ERBB4: variants seen among roughly 807,000 people sequenced by gnomAD.
ERBB4 encodes the protein receptor tyrosine-protein kinase erbB-4.
In ERBB4, 42 loss-of-function variants were observed where a neutral mutation model predicts 158.0. That is an observed-to-expected ratio of 0.27 (90% CI 0.21 to 0.34). The LOEUF is 0.34. ERBB4 is among the 10% of genes least tolerant of loss of function. The pLI is 1.00. For synonymous variants in ERBB4, 583 were observed against 558.7 expected (o/e 1.04, Z -0.61); for missense variants, 1,333 against 1,624.1 (o/e 0.82, Z 3.08).
At chr2:211,717,835 T>TA (rs2073970396) in intron 7 of ERBB4, among the ~76,000 whole-genome samples, 1 of 151,948 alleles carries the variant, frequency 6.6e-6, no homozygotes, top group African/African-American at 2.4e-5. Flanking sequence ...TCCAAAAAAA[T>TA]AAAAAATCTA....
At chr2:211,802,267 A>C (rs1233556732) in intron 3 of ERBB4, among the ~76,000 whole-genome samples, 1 of 152,120 alleles carries the variant, frequency 6.6e-6, no homozygotes, top group South Asian at 2.1e-4. Context: ...TCCAACAAAA[A>C]AAAAAAAACA....
At chr2:211,387,897 C>G in intron 26 of ERBB4, 48 bp downstream of exon 26, 1 of 1,426,504 alleles carries the variant, frequency 7.0e-7, no homozygotes, top group Non-Finnish European at 9.9e-7. Flanking sequence ...ACATGGTAAG[C>G]AAAGACCGAA....
chr2:212,205,048 C>T (rs2082704788), intron 1 of ERBB4, among the ~76,000 whole-genome samples: 6 of 151,758 alleles, frequency 4.0e-5, no homozygotes, highest in Admixed American at 2.0e-4. Context: ...AAACTCTGGA[C>T]CTCAGGTGAT....
rs575736624 is a variant in ERBB4, at chr2:211,941,324, A to G, written c.421+6106T>C. 8.6e-5 allele frequency among the ~76,000 whole-genome samples: 13 copies of G among 151,110 alleles called. No homozygotes were observed. The South Asian group carries it at 2.5e-3, about 29-fold the overall frequency. Reference sequence around the variant, plus strand: ...TAGATCTTCTAATGTAAATGTTTGTAGTACTTTTGTTAAACATTCTGTTTA... The same window carrying G: ...TAGATCTTCTAATGTAAATGTTTGTGGTACTTTTGTTAAACATTCTGTTTA... On this transcript the variant is annotated intron_variant, in intron 3 of 27. Coordinates refer to ENST00000342788, the MANE Select transcript of ERBB4 (RefSeq NM_005235.3).
rs10166875 is a variant in ERBB4 at position 211,678,835 on chromosome 2, C to T, written c.1622+217G>A. Among the ~76,000 whole-genome samples the T allele has an allele frequency of 0.46, 68,922 of 151,376 alleles. 16,513 individuals are homozygous for T. Among genetic ancestry groups the T allele is most frequent in the African/African-American group, 0.56 (23,025 of 41,252 alleles). On this transcript the variant is annotated intron_variant, in intron 13 of 27. Transcript: ENST00000342788. ...ACAAAAAATTAGCCGGGCATGGTGG[C>T]GGGCGCCTGTAATCCCAGCTACTTG... is the stretch of plus-strand genomic sequence containing the variant.
chr2:212,221,823 C>T (rs185194984), intron 1 of ERBB4, among the ~76,000 whole-genome samples: 2 of 151,420 alleles, frequency 1.3e-5, no homozygotes, highest in Admixed American at 1.3e-4. Flanking sequence ...CTAGCACCAA[C>T]ACTATAATTA....
intron 4 of ERBB4, chr2:211,777,314 G>A (rs1575133201): frequency 6.6e-6 from 1 of 152,056 alleles, no homozygotes; most frequent in Non-Finnish European, 1.5e-5. Context: ...ATTATAGTGG[G>A]TGGTTGAGGG....
chr2:212,360,899 T>C (rs1014346794), intron 1 of ERBB4, among the ~76,000 whole-genome samples: 2 of 151,732 alleles, frequency 1.3e-5, no homozygotes, highest in Non-Finnish European at 3.0e-5. Context: ...CAGGTATTAA[T>C]AAGCCCAGAT....
At chr2:212,240,661 A>AAAAAAAC (rs2084062292) in intron 1 of ERBB4, among the ~76,000 whole-genome samples, 1 of 148,046 alleles carries the variant, frequency 6.8e-6, no homozygotes, top group African/African-American at 2.5e-5. Flanking sequence ...AAAAAAAAAA[A>AAAAAAAC]AAAAAACAGA....
intron 2 of ERBB4, among the ~76,000 whole-genome samples, chr2:211,989,869 G>T (rs2082029045): frequency 6.6e-6 from 1 of 151,894 alleles, no homozygotes; most frequent in African/African-American, 2.4e-5. Context: ...CAGGAACACA[G>T]CTCTCATTCA....
At chr2:211,440,456 A>G (rs889859325) in intron 20 of ERBB4, among the ~76,000 whole-genome samples, 1 of 152,202 alleles carries the variant, frequency 6.6e-6, no homozygotes, top group Non-Finnish European at 1.5e-5. Context: ...CTGAGCATAC[A>G]TATTGTGCAA....
At chr2:211,855,909 T>C (rs567048830) in intron 3 of ERBB4, among the ~76,000 whole-genome samples, 2 of 152,260 alleles carry the variant, frequency 1.3e-5, no homozygotes, top group African/African-American at 4.8e-5. Context: ...CTTATGTATG[T>C]AGAAAAATAA....
At chr2:211,617,814 G>A (rs1295585186) in intron 19 of ERBB4, among the ~76,000 whole-genome samples, 1 of 151,974 alleles carries the variant, frequency 6.6e-6, no homozygotes, top group African/African-American at 2.4e-5. Flanking sequence ...GCATATGCTT[G>A]CATCATTTTT....
Position 211,377,202 on chromosome 2 carries a change from A to AATC in ERBB4, c.*6410_*6412dup, listed in dbSNP as rs1489508273. ...AAGGACAACCCCCAATTAACTAAAA[A>AATC]ATCTGGAAATGACATTTGAAAACCA... On this transcript the variant is annotated 3_prime_UTR_variant, in exon 28 of 28. Coordinates refer to ENST00000342788, the MANE Select transcript of ERBB4 (RefSeq NM_005235.3). 4 of 232,992 alleles carry AATC rather than the reference A, an allele frequency of 1.7e-5. No homozygotes were observed. The highest frequency in any genetic ancestry group is 3.4e-5 in the Non-Finnish European group (4 of 117,708). 14.4% of individuals were successfully genotyped at this position (232,992 alleles called of 1,614,324 possible). A position where few individuals can be genotyped will look rare whatever the true frequency, so the allele number is the denominator to read the frequency against.
At chr2:212,469,885 T>C (rs1689027779) in intron 1 of ERBB4, among the ~76,000 whole-genome samples, 1 of 152,154 alleles carries the variant, frequency 6.6e-6, no homozygotes, top group African/African-American at 2.4e-5. Flanking sequence ...ATATTCCCTA[T>C]GCTCCTCTTT....
intron 4 of ERBB4, among the ~76,000 whole-genome samples, chr2:211,752,935 A>G (rs549085530): frequency 6.3e-4 from 96 of 152,324 alleles, no homozygotes; most frequent in South Asian, 5.8e-3. Context: ...CAAATGCACT[A>G]GAGGATCTAG....
In ERBB4 at chr2:212,510,381, G is replaced by A. The variant is rs191749818; in HGVS notation, c.82+28068C>T. Among the ~76,000 whole-genome samples the A allele has an allele frequency of 1.5e-3, 225 of 151,754 alleles. 1 individual carries two copies. The highest frequency in any genetic ancestry group is 2.9e-3 in the Non-Finnish European group (194 of 67,786). ...GTTTGACAAGGTGCAGAAGAAAGGG[G>A]AAAATGTCTACAGGTAGGTAAAGCA... On this transcript the variant is annotated intron_variant, in intron 1 of 27. Coordinates refer to ENST00000342788, the MANE Select transcript of ERBB4 (RefSeq NM_005235.3).
chr2:211,969,146 T>G (rs985219026), intron 2 of ERBB4, among the ~76,000 whole-genome samples: 1 of 151,976 alleles, frequency 6.6e-6, no homozygotes, highest in South Asian at 2.1e-4. Context: ...ATGAGCATTT[T>G]TAAAGTGTAT....
At chr2:211,394,567 G>C (rs974485099) in intron 25 of ERBB4, among the ~76,000 whole-genome samples, 1 of 152,056 alleles carries the variant, frequency 6.6e-6, no homozygotes, top group Non-Finnish European at 1.5e-5. Context: ...GAGAGGGTAG[G>C]CTCTTTTTCT....
Sources: gnomAD v4.1 joint callset for allele counts (sites outside exome capture counted in the v4.1 genomes callset) on GRCh38, gnomAD v4.1.1 for gene constraint, MANE v1.5 for transcripts, NCBI Gene and HGNC (gene_info 2026-07-23, HGNC 2026-07-21) for gene names.